The following DLGAP1 variants were observed in gnomAD, a reference collection of about 807,000 sequenced individuals.
DLGAP1 encodes the protein DLG associated protein 1.
A neutral mutation model predicts 90.8 loss-of-function variants in DLGAP1; 11 were observed. That is an observed-to-expected ratio of 0.12 (90% confidence interval 0.08 to 0.20). DLGAP1 has a LOEUF of 0.20. Ranked by LOEUF, DLGAP1 falls within the 10% of genes least tolerant of loss-of-function variation. DLGAP1 has a pLI of 1.00. For missense variants in DLGAP1, 1,050 were observed against 1,333.8 expected (o/e 0.79, Z 3.31); for synonymous variants, 558 against 540.7 (o/e 1.03, Z -0.44).
chr18:4,309,240 T>C (rs1003222680), intron 1 of DLGAP1, among the ~76,000 whole-genome samples: 5 of 152,170 alleles, frequency 3.3e-5, no homozygotes, highest in African/African-American at 1.2e-4. Flanking sequence ...AAATTTACAG[T>C]ATCATACATG....
rs1235715481 is a variant in DLGAP1, at chr18:3,559,156, T to C, written c.2057+8334A>G. Among the ~76,000 whole-genome samples, 8 of 152,236 alleles carry C rather than the reference T, an allele frequency of 5.3e-5. No individual in the cohort carries two copies. In the East Asian group the frequency reaches 1.2e-3, roughly 22 times the overall value. On this transcript the variant is annotated intron_variant, in intron 9 of 12. Transcript: ENST00000315677. ...TGTCCTCAAAGAGTTGTGGCCGAGA[T>C]TCATTTGATGAATCCAATTTTTCTG...
chr18:4,345,277 C>T (rs899195888), intron 1 of DLGAP1, among the ~76,000 whole-genome samples: 1 of 152,150 alleles, frequency 6.6e-6, no homozygotes, highest in Non-Finnish European at 1.5e-5. Context: ...CCGTTCCATT[C>T]AACTCTATTG....
At chr18:4,116,525 A>C (rs2076066720) in intron 2 of DLGAP1, among the ~76,000 whole-genome samples, 1 of 151,910 alleles carries the variant, frequency 6.6e-6, no homozygotes, top group Non-Finnish European at 1.5e-5. Flanking sequence ...TCTTTCAGGC[A>C]CTGTTTATTT....
rs189246916 is a variant in DLGAP1, at chr18:3,973,898, T to C, written c.-73+31218A>G. Among the ~76,000 whole-genome samples, 598 of 152,242 alleles carry C rather than the reference T, an allele frequency of 3.9e-3. 2 individuals are homozygous for C. Among genetic ancestry groups the C allele is most frequent in the Admixed American group, 6.3e-3 (96 of 15,294 alleles). On this transcript the variant is annotated intron_variant, in intron 3 of 12. Coordinates refer to ENST00000315677, the MANE Select transcript of DLGAP1 (RefSeq NM_004746.4). ...TGTGTGAATGCAGAGTGGACTTAGATGGACCTAGACGGCATAGCCTACCAC... is the reference window on the plus strand; with the variant it reads ...TGTGTGAATGCAGAGTGGACTTAGACGGACCTAGACGGCATAGCCTACCAC...
chr18:3,852,276 G>A (rs2069385282), intron 4 of DLGAP1, among the ~76,000 whole-genome samples: 1 of 152,052 alleles, frequency 6.6e-6, no homozygotes, highest in Admixed American at 6.6e-5. Flanking sequence ...AATCCTTAAG[G>A]CAGTCAAGGA....
chr18:4,277,461 G>A (rs2079442204), intron 1 of DLGAP1, among the ~76,000 whole-genome samples: 2 of 152,182 alleles, frequency 1.3e-5, no homozygotes, highest in African/African-American at 4.8e-5. Context: ...CATTCTGAAA[G>A]TAAGAATAGT....
intron 1 of DLGAP1, among the ~76,000 whole-genome samples, chr18:4,349,562 T>C (rs1355869911): frequency 6.6e-6 from 1 of 152,052 alleles, no homozygotes; most frequent in Non-Finnish European, 1.5e-5. Flanking sequence ...GAAAAAAAAC[T>C]ATGGTATATT....
At chr18:4,311,017 G>A (rs1178290668) in intron 1 of DLGAP1, among the ~76,000 whole-genome samples, 2 of 152,112 alleles carry the variant, frequency 1.3e-5, no homozygotes, top group East Asian at 1.9e-4. Context: ...TTTACTCTAT[G>A]CTTGCATGTA....
At chr18:4,256,920 G>A (rs1460629006) in intron 1 of DLGAP1, among the ~76,000 whole-genome samples, 2 of 152,144 alleles carry the variant, frequency 1.3e-5, no homozygotes, top group African/African-American at 2.4e-5. Context: ...CATAACTGCT[G>A]GGTTCTTCCC....
At chr18:4,430,842 A>T (rs534254664) in intron 1 of DLGAP1, 4 of 152,558 alleles carry the variant, frequency 2.6e-5, no homozygotes, top group Non-Finnish European at 5.9e-5. Context: ...GAAACAACCA[A>T]GAGTCATCTG....
chr18:4,409,995 C>A (rs189764779), intron 1 of DLGAP1, among the ~76,000 whole-genome samples: 1 of 152,254 alleles, frequency 6.6e-6, no homozygotes, highest in Admixed American at 6.5e-5. Flanking sequence ...AATGAATTAA[C>A]AGCATTTGCA....
chr18:4,337,396 C>A (rs1473226008), intron 1 of DLGAP1, among the ~76,000 whole-genome samples: 1 of 151,882 alleles, frequency 6.6e-6, no homozygotes, highest in Admixed American at 6.6e-5. Context: ...GGTCGCCATG[C>A]TGCTTAGGCT....
chr18:4,010,236 T>G (rs1281615162), intron 2 of DLGAP1, among the ~76,000 whole-genome samples: 1 of 152,128 alleles, frequency 6.6e-6, no homozygotes, highest in Non-Finnish European at 1.5e-5. Context: ...AAAATAAAAG[T>G]AAAATCAGAT....
intron 2 of DLGAP1, among the ~76,000 whole-genome samples, chr18:4,005,734 A>G (rs1390445226): frequency 6.6e-6 from 1 of 152,146 alleles, no homozygotes; most frequent in Non-Finnish European, 1.5e-5. Context: ...CACCTGGCCC[A>G]CAGCAATCAA....
At chr18:4,129,901 A>G (rs1354772815) in intron 2 of DLGAP1, among the ~76,000 whole-genome samples, 3 of 152,206 alleles carry the variant, frequency 2.0e-5, no homozygotes, top group Admixed American at 1.3e-4. Context: ...TGAATGCAAC[A>G]TAATCAGTAC....
chr18:3,522,601 G>C lies in DLGAP1; in HGVS notation c.2479+11593C>G, dbSNP rs572325028. Among the ~76,000 whole-genome samples, 7 of 132,396 alleles carry C rather than the reference G, an allele frequency of 5.3e-5. No individual in the cohort carries two copies. In the South Asian group the frequency reaches 1.6e-3, roughly 31 times the overall value. 86.9% of individuals were successfully genotyped at this position (132,396 alleles called of 152,430 possible). ...TCTGTCGCCCAGGCTGCAGTGAAGT[G>C]GCCCAATCTCGGCTAACTGCAACCT... On this transcript the variant is annotated intron_variant, in intron 10 of 12. Transcript: ENST00000315677.
chr18:4,376,614 G>A (rs2082018873), intron 1 of DLGAP1, among the ~76,000 whole-genome samples: 3 of 152,108 alleles, frequency 2.0e-5, no homozygotes, highest in Admixed American at 6.6e-5. Context: ...AATGTCAAGA[G>A]GAAACTTTCT....
intron 2 of DLGAP1, among the ~76,000 whole-genome samples, chr18:4,133,721 A>T (rs2144234351): frequency 6.6e-6 from 1 of 152,304 alleles, no homozygotes; most frequent in South Asian, 2.1e-4. Flanking sequence ...AGTGTCTGGT[A>T]CGGAAGGATT....
In DLGAP1 at chr18:4,342,200, T is replaced by C. The variant is rs1368274174; in HGVS notation, c.-267+112806A>G. Among the ~76,000 whole-genome samples the C allele has an allele frequency of 6.6e-6, 1 of 152,184 alleles. No individual in the cohort carries two copies. Among genetic ancestry groups the C allele is most frequent in the East Asian group, 1.9e-4 (1 of 5,192 alleles). On this transcript the variant is annotated intron_variant, in intron 1 of 12. Transcript: ENST00000315677. The surrounding 1 kb of genome is among the most constrained non-coding windows in gnomAD (Gnocchi z 5.8). ...TCTCTTCTGACACCCAGTTTGGCAG[T>C]AGGGTGTTTCTAGAAATGGTAACCC...
Sources: gnomAD v4.1 joint callset for allele counts (sites outside exome capture counted in the v4.1 genomes callset) on GRCh38, gnomAD v4.1.1 for gene constraint, Gnocchi (gnomAD v3.1) non-coding constraint, MANE v1.5 for transcripts, NCBI Gene and HGNC (gene_info 2026-07-23, HGNC 2026-07-21) for gene names.